Variants in ESR1 observed in about 807,000 individuals in gnomAD.
ESR1 encodes estrogen receptor 1, also known as estrogen receptor.
ESR1 carries 12 observed loss-of-function variants against 52.7 expected under a neutral mutation model. The observed-to-expected ratio is 0.23, with a 90% CI of 0.15 to 0.37. The LOEUF (loss-of-function observed/expected upper bound fraction) is 0.37, where lower values mean the gene tolerates loss of function less well. Ranked by LOEUF, ESR1 falls within the 10% of genes least tolerant of loss-of-function variation. The pLI is 1.00. For missense variants in ESR1, 584 were observed against 779.7 expected, an observed-to-expected ratio of 0.75 and a Z score of 2.99; for synonymous variants, 305 against 316.8, an observed-to-expected ratio of 0.96 and a Z score of 0.39.
At chr6:152,000,596 C>A (rs374573501) in intron 4 of ESR1, among the ~76,000 whole-genome samples, 2 of 152,104 alleles carry the variant, frequency 1.3e-5, no homozygotes, top group East Asian at 3.9e-4. Context: ...TCTTCTAGGA[C>A]AATCTCTAGT....
intron 4 of ESR1, among the ~76,000 whole-genome samples, chr6:151,995,840 A>C (rs1191647419): frequency 6.6e-6 from 1 of 152,206 alleles, no homozygotes; most frequent in Non-Finnish European, 1.5e-5. Context: ...CTAGCACTTT[A>C]TACTTACTGA....
intron 6 of ESR1, among the ~76,000 whole-genome samples, chr6:152,065,068 G>A (rs1053276135): frequency 1.3e-5 from 2 of 152,186 alleles, no homozygotes; most frequent in Non-Finnish European, 2.9e-5. Context: ...AACGGAGTAG[G>A]TTCATGCCTT....
At position 151,856,335 on chromosome 6, in the gene ESR1, C is replaced by T. The variant is rs117857111; in HGVS notation, c.643+13548C>T. 5.9e-3 allele frequency among the ~76,000 whole-genome samples: 902 copies of T among 152,200 alleles called. 2 individuals carry two copies. The highest frequency in any genetic ancestry group is 9.7e-3 in the Non-Finnish European group (660 of 68,020). ...TTTATTAAGGTAGGCTTAGCTTATA[C>T]GCCATAATTTTTATGTTTGCAACTT... On this transcript the variant is annotated intron_variant, in intron 2 of 7. Coordinates refer to ENST00000206249, the MANE Select transcript of ESR1 (RefSeq NM_000125.4).
At chr6:151,741,990 G>A (rs966527213) in intron 2 of ESR1, among the ~76,000 whole-genome samples, 6 of 151,888 alleles carry the variant, frequency 4.0e-5, no homozygotes, top group African/African-American at 1.5e-4. Context: ...CCGTATATTT[G>A]ACTTAATAAA....
In ESR1 at chr6:151,668,176, C is replaced by T. The variant is rs149055018; in HGVS notation, n.73+11413C>T. Among the ~76,000 whole-genome samples, 165 of 152,260 alleles carry T rather than the reference C, an allele frequency of 1.1e-3. 1 individual carries two copies. Among genetic ancestry groups the T allele is most frequent in the Non-Finnish European group, 1.7e-3 (113 of 68,022 alleles). Reference sequence around the variant, plus strand: ...ATCAAGGCACCAGCAGATTGGTTGTCGGATGAAAGTTCAGTTTCTGCTTCA... The same window carrying T: ...ATCAAGGCACCAGCAGATTGGTTGTTGGATGAAAGTTCAGTTTCTGCTTCA... On this transcript the variant is annotated intron_variant and non_coding_transcript_variant, in intron 1 of 2. Transcript: ENST00000473497.
chr6:151,678,600 C>G (rs2115283797), intron 1 of ESR1, among the ~76,000 whole-genome samples: 1 of 151,988 alleles, frequency 6.6e-6, no homozygotes, highest in East Asian at 1.9e-4. Context: ...CACTGATAAC[C>G]AACAGAAAAA....
chr6:151,844,722 TA>T (rs1323247143), intron 2 of ESR1, among the ~76,000 whole-genome samples: 2 of 152,190 alleles, frequency 1.3e-5, no homozygotes, highest in African/African-American at 4.8e-5. Flanking sequence ...TGGAAGGGAA[TA>T]GGGGATTTTT....
intron 1 of ESR1, among the ~76,000 whole-genome samples, chr6:151,836,731 G>T (rs755814300): frequency 6.6e-6 from 1 of 152,158 alleles, no homozygotes; most frequent in African/African-American, 2.4e-5. Context: ...ACAAGTATAG[G>T]GAATTTTGAG....
chr6:151,849,978 TTATATA>T (rs66502837), intron 2 of ESR1, among the ~76,000 whole-genome samples: 32,408 of 84,616 alleles, frequency 0.38, 6,698 homozygotes, highest in Non-Finnish European at 0.42. Context: ...TCCTAGGGAA[TTATATA>T]TATATATATA....
chr6:151,700,436 A>T (rs139235269), intron 1 of ESR1, among the ~76,000 whole-genome samples: 2 of 152,202 alleles, frequency 1.3e-5, no homozygotes, highest in African/African-American at 4.8e-5. Flanking sequence ...TGAAATATAC[A>T]AGTCCCCTAG....
At chr6:151,797,373 A>G (rs1010452692) in intron 2 of ESR1, among the ~76,000 whole-genome samples, 1 of 152,256 alleles carries the variant, frequency 6.6e-6, no homozygotes, top group Non-Finnish European at 1.5e-5. Context: ...GTCAAAGATC[A>G]CATTTTGCAT....
Position 152,102,653 on chromosome 6 carries a change from G to A in ESR1, c.*3687G>A, listed in dbSNP as rs1005710065. ...TTCCAACTGCATTTCCTTTCCAATT[G>A]AATTAAAGTGTGGCCTCGTTTTTAG... is the stretch of plus-strand genomic sequence containing the variant. On this transcript the variant is annotated 3_prime_UTR_variant, in exon 8 of 8. Coordinates refer to ENST00000206249, the MANE Select transcript of ESR1 (RefSeq NM_000125.4). The A allele has an allele frequency of 9.1e-6, 2 of 220,622 alleles. No individual in the cohort carries two copies. The highest frequency in any genetic ancestry group is 4.5e-5 in the African/African-American group (2 of 44,606). 13.7% of individuals were successfully genotyped at this position (220,622 alleles called of 1,614,324 possible). A position where few individuals can be genotyped will look rare whatever the true frequency, so the allele number is the denominator to read the frequency against.
intron 6 of ESR1, among the ~76,000 whole-genome samples, chr6:152,077,279 C>T (rs9478281): frequency 0.21 from 32,080 of 152,134 alleles, 4,776 homozygotes; most frequent in African/African-American, 0.41. Context: ...TGTGTGTACA[C>T]AGAAGTTAAG....
intron 3 of ESR1, among the ~76,000 whole-genome samples, chr6:151,896,839 G>A (rs543579769): frequency 4.6e-5 from 7 of 151,760 alleles, no homozygotes; most frequent in Non-Finnish European, 7.4e-5. Context: ...TTTCCTCTTC[G>A]CATTGCTTTT....
At chr6:152,006,306 T>A (rs1345167980) in intron 4 of ESR1, among the ~76,000 whole-genome samples, 1 of 152,090 alleles carries the variant, frequency 6.6e-6, no homozygotes, top group Non-Finnish European at 1.5e-5. Flanking sequence ...TTTGTCCTGT[T>A]ATCGAAGATA....
upstream of ESR1, among the ~76,000 whole-genome samples, chr6:151,806,530 G>GTATGTATATATATATA (rs1430574846): frequency 3.1e-5 from 3 of 96,468 alleles, no homozygotes; most frequent in African/African-American, 1.2e-4. Context: ...TCCTTAATAT[G>GTATGTATATATATATA]TATATATATA....
At chr6:152,039,940 G>A (rs1311833350) in intron 5 of ESR1, among the ~76,000 whole-genome samples, 1 of 152,186 alleles carries the variant, frequency 6.6e-6, no homozygotes, top group Non-Finnish European at 1.5e-5. Flanking sequence ...TGTGTGTAAT[G>A]CCATGACAGT....
At chr6:152,017,398 C>T (rs1195816087) in intron 5 of ESR1, among the ~76,000 whole-genome samples, 1 of 152,090 alleles carries the variant, frequency 6.6e-6, no homozygotes, top group African/African-American at 2.4e-5. Context: ...GCTGTCATCT[C>T]TTCCTGTGAA....
At chr6:151,756,716 G>A (rs914202120) in intron 2 of ESR1, among the ~76,000 whole-genome samples, 1 of 152,216 alleles carries the variant, frequency 6.6e-6, no homozygotes, top group African/African-American at 2.4e-5. Flanking sequence ...TGGGCCGGGC[G>A]TGATGGCTCA....
Sources: allele counts gnomAD v4.1 joint callset (sites outside exome capture counted in the v4.1 genomes callset), GRCh38; gene constraint gnomAD v4.1.1; transcripts MANE v1.5; gene names NCBI Gene and HGNC (gene_info 2026-07-23, HGNC 2026-07-21).